Variants in ZSWIM5 observed in about 807,000 individuals in gnomAD.
ZSWIM5 encodes the protein zinc finger SWIM domain-containing protein 5.
Under a neutral mutation model 119.6 loss-of-function variants are expected in ZSWIM5, and 55 were observed. That is an observed-to-expected ratio of 0.46 (90% CI 0.37 to 0.58). The LOEUF is 0.58. ZSWIM5 is among the 20% of genes least tolerant of loss of function. The pLI is 0.00. For missense variants in ZSWIM5, 1,193 were observed against 1,512.8 expected, an observed-to-expected ratio of 0.79 and a Z score of 3.51; for synonymous variants, 537 against 606.9, an observed-to-expected ratio of 0.88 and a Z score of 1.69.
intron 1 of ZSWIM5, among the ~76,000 whole-genome samples, chr1:45,147,008 G>A (rs1570149923): frequency 1.3e-5 from 2 of 151,650 alleles, no homozygotes; most frequent in South Asian, 4.2e-4. Context: ...ACGTCCCAAT[G>A]GACAAAAATG....
intron 1 of ZSWIM5, among the ~76,000 whole-genome samples, chr1:45,150,663 A>G (rs1000031836): frequency 9.2e-5 from 14 of 151,932 alleles, no homozygotes; most frequent in Non-Finnish European, 2.9e-5. Context: ...GCACATTTAC[A>G]TTTCTACTAT....
At chr1:45,197,961 T>C (rs1401423856) in intron 1 of ZSWIM5, among the ~76,000 whole-genome samples, 2 of 152,222 alleles carry the variant, frequency 1.3e-5, no homozygotes, top group African/African-American at 2.4e-5. Flanking sequence ...AGTTTACAAA[T>C]GGATAACTCA....
In ZSWIM5 at chr1:45,058,667, G is replaced by C. The variant is rs1378895474; in HGVS notation, c.1194C>G (p.Leu398=). 1 of 1,614,242 alleles carries C rather than the reference G, an allele frequency of 6.2e-7. No homozygotes were observed. Among genetic ancestry groups the C allele is most frequent in the South Asian group, 1.1e-5 (1 of 91,084 alleles). Residue 398 remains leucine (L), a synonymous_variant, in exon 4 of 14, where the codon CTC becomes CTG. Coordinates refer to ENST00000359600, the MANE Select transcript of ZSWIM5 (RefSeq NM_020883.2). ...EQFVADPRLT[L]WRQQGTNMTD... is the part of the protein sequence containing the mutation. Reference sequence around the variant, plus strand: ...TCATGTTTGTTCCTTGCTGCCTCCAGAGTGTGAGTCGTGGGTCAGCCACAA... The same window carrying C: ...TCATGTTTGTTCCTTGCTGCCTCCACAGTGTGAGTCGTGGGTCAGCCACAA...
chr1:45,064,618 G>T (rs1645172652), intron 2 of ZSWIM5, among the ~76,000 whole-genome samples: 1 of 152,150 alleles, frequency 6.6e-6, no homozygotes, highest in Admixed American at 6.6e-5. Context: ...TAGAATGTAT[G>T]CTCCTTGAGG....
At chr1:45,164,164 T>C (rs1195316342) in intron 1 of ZSWIM5, among the ~76,000 whole-genome samples, 4 of 152,164 alleles carry the variant, frequency 2.6e-5, no homozygotes, top group Non-Finnish European at 4.4e-5. Flanking sequence ...GGGGCCAATA[T>C]TCAGCATTCT....
chr1:45,115,625 C>A (rs1267832365), intron 1 of ZSWIM5, among the ~76,000 whole-genome samples: 1 of 143,658 alleles, frequency 7.0e-6, no homozygotes, highest in Non-Finnish European at 1.5e-5. Context: ...GGATGGCGGC[C>A]GGGAAGAGGC....
chr1:45,110,729 C>T (rs1195318904), intron 1 of ZSWIM5, among the ~76,000 whole-genome samples: 2 of 152,100 alleles, frequency 1.3e-5, no homozygotes, highest in African/African-American at 2.4e-5. Flanking sequence ...GGAAATAGTG[C>T]TAAAATTTAA....
At chr1:45,176,765 C>T (rs1645984103) in intron 1 of ZSWIM5, among the ~76,000 whole-genome samples, 1 of 152,020 alleles carries the variant, frequency 6.6e-6, no homozygotes. Flanking sequence ...CTGCTATGCC[C>T]ACTTCACCCC....
intron 1 of ZSWIM5, among the ~76,000 whole-genome samples, chr1:45,173,371 ATG>A (rs1645957601): frequency 6.6e-6 from 1 of 152,174 alleles, no homozygotes; most frequent in East Asian, 1.9e-4. Context: ...GCAAGAATGG[ATG>A]TTACTAAGGC....
intron 5 of ZSWIM5, among the ~76,000 whole-genome samples, chr1:45,049,468 C>T (rs1645076003): frequency 6.6e-6 from 1 of 152,130 alleles, no homozygotes; most frequent in African/African-American, 2.4e-5. Context: ...GAAGCAGCAA[C>T]ATCTTCAAAG....
At chr1:45,140,799 A>T (rs1040691586) in intron 1 of ZSWIM5, among the ~76,000 whole-genome samples, 2 of 152,242 alleles carry the variant, frequency 1.3e-5, no homozygotes, top group Non-Finnish European at 2.9e-5. Flanking sequence ...ACTTGGAAAG[A>T]ATGTATGCAG....
intron 1 of ZSWIM5, among the ~76,000 whole-genome samples, chr1:45,191,104 G>A (rs933247529): frequency 8.6e-5 from 13 of 151,570 alleles, no homozygotes; most frequent in African/African-American, 3.2e-4. Context: ...CCGCCACCGC[G>A]CCCGGCTAAT....
rs571384342 is a variant in ZSWIM5, at chr1:45,201,779, T to C, written c.595+3977A>G. On this transcript the variant is annotated intron_variant, in intron 1 of 13. Transcript: ENST00000359600. ...ATAAATCACCATTCGTCACACAAAA[T>C]AGATGGTTAAACACAGAAGATACAC... 6.6e-5 allele frequency among the ~76,000 whole-genome samples: 10 copies of C among 152,144 alleles called. No homozygotes were observed. In the East Asian group the frequency reaches 1.9e-3, roughly 29 times the overall value.
intron 1 of ZSWIM5, among the ~76,000 whole-genome samples, chr1:45,182,778 A>C (rs1458724829): frequency 2.0e-5 from 3 of 152,182 alleles, no homozygotes; most frequent in Non-Finnish European, 2.9e-5. Flanking sequence ...AAAGAGACTT[A>C]GACTCCCACA....
intron 1 of ZSWIM5, among the ~76,000 whole-genome samples, chr1:45,097,224 G>A (rs1645408707): frequency 1.3e-5 from 2 of 152,202 alleles, no homozygotes; most frequent in Non-Finnish European, 2.9e-5. Flanking sequence ...GGAATCCCGA[G>A]CATGGGCTAG....
In ZSWIM5 at chr1:45,020,240, G is replaced by A. The variant is rs759115407; in HGVS notation, c.2614-93C>T. 6.5e-6 allele frequency: 7 copies of A among 1,068,992 alleles called. No homozygotes were observed. In the African/African-American group the frequency reaches 9.3e-5, roughly 14 times the overall value. The allele number at this position is 1,068,992 out of a possible 1,614,324, so 66.2% of individuals were successfully genotyped here. A position where few individuals can be genotyped will look rare whatever the true frequency, so the allele number is the denominator to read the frequency against. On this transcript the variant is annotated intron_variant, in intron 12 of 13. Coordinates refer to ENST00000359600, the MANE Select transcript of ZSWIM5 (RefSeq NM_020883.2). ...TCATTTATGCGACAAATATTTTCTGGTGCTTTAAACAGTGGTCTCTCCGCT... is the reference window on the plus strand; with the variant it reads ...TCATTTATGCGACAAATATTTTCTGATGCTTTAAACAGTGGTCTCTCCGCT...
chr1:45,077,198 T>C (rs1645260807), intron 2 of ZSWIM5, among the ~76,000 whole-genome samples: 1 of 152,142 alleles, frequency 6.6e-6, no homozygotes, highest in South Asian at 2.1e-4. Flanking sequence ...GTTAGGTATT[T>C]GTTGTAGTCT....
intron 1 of ZSWIM5, among the ~76,000 whole-genome samples, chr1:45,169,248 C>T (rs1212515397): frequency 1.3e-5 from 2 of 151,836 alleles, no homozygotes; most frequent in Non-Finnish European, 2.9e-5. Context: ...ATCCTTCCTC[C>T]TTTAAAACTC....
rs530301717 is a variant in ZSWIM5, at chr1:45,061,083, A to C, written c.953-836T>G. Among the ~76,000 whole-genome samples, 270 of 152,338 alleles carry C rather than the reference A, an allele frequency of 1.8e-3. 2 individuals carry two copies. The highest frequency in any genetic ancestry group is 6.3e-3 in the African/African-American group (264 of 41,582). Reference sequence around the variant, plus strand: ...ATATTTTCATATTGAGCTCACCTTGACAAAACCACTTAAAACATAGTTATA... The same window carrying C: ...ATATTTTCATATTGAGCTCACCTTGCCAAAACCACTTAAAACATAGTTATA... On this transcript the variant is annotated intron_variant, in intron 2 of 13. Transcript: ENST00000359600.
Sources: gnomAD v4.1 joint callset for allele counts (sites outside exome capture counted in the v4.1 genomes callset) on GRCh38, gnomAD v4.1.1 for gene constraint, MANE v1.5 for transcripts, NCBI Gene and HGNC (gene_info 2026-07-23, HGNC 2026-07-21) for gene names.